MIR2052HG: variants seen among roughly 807,000 people sequenced by gnomAD.
MIR2052HG encodes the protein MIR2052 host gene.
At chr8:74,656,586 T>C (rs1336694360) in intron 2 of MIR2052HG, among the ~76,000 whole-genome samples, 1 of 152,174 alleles carries the variant, frequency 6.6e-6, no homozygotes, top group African/African-American at 2.4e-5. Flanking sequence ...TCCCCAGACA[T>C]GTGGAACTGT....
chr8:74,733,857 T>A (rs1254752048), intron 4 of MIR2052HG, among the ~76,000 whole-genome samples: 3 of 151,578 alleles, frequency 2.0e-5, no homozygotes, highest in African/African-American at 4.9e-5. Context: ...TTTTCATGTG[T>A]TTTTTGGCTG....
intron 2 of MIR2052HG, among the ~76,000 whole-genome samples, chr8:74,658,587 T>A (rs993345593): frequency 6.6e-6 from 1 of 152,116 alleles, no homozygotes; most frequent in African/African-American, 2.4e-5. Context: ...GGTTTCACCA[T>A]GTTGGCTAGG....
At chr8:74,746,651 A>G (rs1809890865) in intron 4 of MIR2052HG, among the ~76,000 whole-genome samples, 1 of 150,804 alleles carries the variant, frequency 6.6e-6, no homozygotes, top group South Asian at 2.1e-4. Flanking sequence ...GCCTTGCATG[A>G]GGTAGAATTT....
intron 2 of MIR2052HG, among the ~76,000 whole-genome samples, chr8:74,673,146 ATTGT>A (rs549795783): frequency 2.0e-4 from 31 of 152,204 alleles, no homozygotes; most frequent in Non-Finnish European, 4.1e-4. Flanking sequence ...ACAGTTACGT[ATTGT>A]TTAATAGGGT....
At chr8:74,666,863 C>G (rs1294581828) in intron 2 of MIR2052HG, among the ~76,000 whole-genome samples, 2 of 152,098 alleles carry the variant, frequency 1.3e-5, no homozygotes, top group Non-Finnish European at 2.9e-5. Flanking sequence ...CTCTGCAGAC[C>G]AGTTCTGCTA....
rs193217103 is a variant in MIR2052HG at position 74,673,846 on chromosome 8, G to T, written n.217-28533G>T. Among the ~76,000 whole-genome samples the T allele has an allele frequency of 1.8e-3, 265 of 145,436 alleles. No individual in the cohort carries two copies. In the Middle Eastern group the frequency reaches 0.021, roughly 12 times the overall value. On this transcript the variant is annotated intron_variant and non_coding_transcript_variant, in intron 2 of 6. Coordinates refer to ENST00000523442, the Ensembl canonical transcript of MIR2052HG. ...AGCCTAACTTTTTGATGCCAATTTG[G>T]AGCTTGAAGTTAACTGTCACAATCA...
At chr8:74,602,865 C>CTTTCTTTCTTTCTTTCTTTCTTTG (rs879678607) in intron 1 of MIR2052HG, among the ~76,000 whole-genome samples, 15 of 142,768 alleles carry the variant, frequency 1.1e-4, no homozygotes, top group African/African-American at 3.7e-4. Flanking sequence ...TTCTTTCTTT[C>CTTTCTTTCTTTCTTTCTTTCTTTG]TTTCTTTCTT....
chr8:74,649,183 AAG>A (rs966401472), intron 2 of MIR2052HG, among the ~76,000 whole-genome samples: 3 of 152,218 alleles, frequency 2.0e-5, no homozygotes, highest in Admixed American at 2.0e-4. Context: ...ACTTTTAAGA[AAG>A]AGAAGAAATA....
At chr8:74,602,817 G>GTTTCTTTCCTTCTTTCTTTCTTTCTTTC (rs1808023371) in intron 1 of MIR2052HG, among the ~76,000 whole-genome samples, 3 of 73,786 alleles carry the variant, frequency 4.1e-5, no homozygotes, top group African/African-American at 1.9e-4. Context: ...GCCCGGCCGT[G>GTTTCTTTCCTTCTTTCTTTCTTTCTTTC]TTTCTTTCTT....
At chr8:74,601,472 G>T (rs1318945386) in intron 1 of MIR2052HG, among the ~76,000 whole-genome samples, 1 of 152,062 alleles carries the variant, frequency 6.6e-6, no homozygotes, top group Non-Finnish European at 1.5e-5. Flanking sequence ...ACATTCCAAG[G>T]CCCAGTTCTT....
chr8:74,734,121 C>T (rs1262018448), intron 4 of MIR2052HG, among the ~76,000 whole-genome samples: 1 of 152,188 alleles, frequency 6.6e-6, no homozygotes, highest in Non-Finnish European at 1.5e-5. Flanking sequence ...CTACAATGAA[C>T]TCAAACAAAT....
chr8:74,615,086 C>T (rs897683302), intron 2 of MIR2052HG: 1 of 152,152 alleles, frequency 6.6e-6, no homozygotes, highest in Admixed American at 6.5e-5. Flanking sequence ...AACAGCTGCT[C>T]TCTAGCCTAC....
At chr8:74,712,139 A>G (rs1809474500) in intron 4 of MIR2052HG, among the ~76,000 whole-genome samples, 1 of 152,232 alleles carries the variant, frequency 6.6e-6, no homozygotes, top group South Asian at 2.1e-4. Flanking sequence ...TCTGTGCCTC[A>G]TTCTCTTTAC....
At chr8:74,696,560 G>GTTATCTTTTTAT (rs1809298681) in intron 2 of MIR2052HG, among the ~76,000 whole-genome samples, 1 of 151,824 alleles carries the variant, frequency 6.6e-6, no homozygotes, top group Non-Finnish European at 1.5e-5. Context: ...AATAAAATGG[G>GTTATCTTTTTAT]TAGAACATTA....
At chr8:74,654,222 C>T (rs2128736369) in intron 2 of MIR2052HG, among the ~76,000 whole-genome samples, 1 of 152,154 alleles carries the variant, frequency 6.6e-6, no homozygotes, top group Middle Eastern at 3.4e-3. Flanking sequence ...ATGTGCCCCT[C>T]AGTTTTGAGG....
At chr8:74,713,997 GTCTCCTAA>G (rs1173509400) in intron 4 of MIR2052HG, among the ~76,000 whole-genome samples, 1 of 151,988 alleles carries the variant, frequency 6.6e-6, no homozygotes, top group African/African-American at 2.4e-5. Context: ...TCCTAAGAGA[GTCTCCTAA>G]GAGACTCTCT....
intron 4 of MIR2052HG, among the ~76,000 whole-genome samples, chr8:74,742,614 G>A (rs1375510785): frequency 6.6e-6 from 1 of 151,880 alleles, no homozygotes; most frequent in Non-Finnish European, 1.5e-5. Context: ...AGTCATTGCT[G>A]GGAACTCCTT....
intron 1 of MIR2052HG, among the ~76,000 whole-genome samples, chr8:74,611,288 ATATCT>A (rs1232927272): frequency 5.3e-5 from 8 of 152,148 alleles, no homozygotes; most frequent in African/African-American, 1.9e-4. Context: ...CCTATTACAA[ATATCT>A]TATATTAAAA....
chr8:74,731,458 A>G (rs1261546489), intron 4 of MIR2052HG, among the ~76,000 whole-genome samples: 1 of 152,156 alleles, frequency 6.6e-6, no homozygotes, highest in African/African-American at 2.4e-5. Context: ...TCGGATACAC[A>G]GACATGGAAT....
Sources: gnomAD v4.1 joint callset for allele counts (sites outside exome capture counted in the v4.1 genomes callset) on GRCh38, gnomAD v4.1.1 for gene constraint, MANE v1.5 for transcripts, NCBI Gene and HGNC (gene_info 2026-07-23, HGNC 2026-07-21) for gene names.